Variants in COL26A1 observed in about 807,000 individuals in gnomAD.
COL26A1 encodes collagen alpha-1(XXVI) chain.
In COL26A1, 41 loss-of-function variants were observed where a neutral mutation model predicts 59.3. The ratio of observed to expected loss-of-function variants is 0.69; its 90% CI spans 0.54 to 0.90. The LOEUF is 0.90. Ranked by LOEUF, COL26A1 falls within the 40% of genes least tolerant of loss-of-function variation. The probability of loss-of-function intolerance (pLI) is 0.00; values close to 1 mark genes in which losing one functional copy is unlikely to be tolerated. For synonymous variants in COL26A1, 266 were observed against 256.0 expected (o/e 1.04, Z -0.37); for missense variants, 612 against 602.3 (o/e 1.02, Z -0.17).
At chr7:101,475,916 CTCTTTCTT>C (rs752531682) in intron 3 of COL26A1, among the ~76,000 whole-genome samples, 7 of 144,728 alleles carry the variant, frequency 4.8e-5, no homozygotes, top group African/African-American at 1.6e-4. Context: ...CTCTCTCTCT[CTCTTTCTT>C]TCTCTCTCTC....
chr7:101,556,041 A>G (rs1297064938), intron 12 of COL26A1, among the ~76,000 whole-genome samples, 170 bp downstream of exon 12: 1 of 151,782 alleles, frequency 6.6e-6, no homozygotes, highest in Non-Finnish European at 1.5e-5. Flanking sequence ...TGCCCTTGAC[A>G]GACTTCCAAG....
intron 6 of COL26A1, among the ~76,000 whole-genome samples, chr7:101,544,754 A>T (rs1795694898): frequency 6.6e-6 from 1 of 151,832 alleles, no homozygotes; most frequent in Non-Finnish European, 1.5e-5. Flanking sequence ...GCTGGTCTTG[A>T]ACTCCTGACC....
intron 3 of COL26A1, among the ~76,000 whole-genome samples, chr7:101,532,261 C>G (rs1410241536): frequency 6.6e-6 from 1 of 152,134 alleles, no homozygotes; most frequent in Non-Finnish European, 1.5e-5. Context: ...CTTCCATCCA[C>G]TGCACACTCT....
rs1193738026 is a variant in COL26A1, at chr7:101,461,731, A to G, written c.385+13944A>G. Among the ~76,000 whole-genome samples the G allele has an allele frequency of 3.3e-5, 5 of 152,184 alleles. No homozygotes were observed. In the East Asian group the frequency reaches 9.6e-4, roughly 29 times the overall value. On this transcript the variant is annotated intron_variant, in intron 3 of 12. Transcript: ENST00000313669. Reference sequence around the variant, plus strand: ...TCCTGGTTGGGGCTGGGGTCCCATCACATCCACACTGTGGCTGGGAGAAGG... The same window carrying G: ...TCCTGGTTGGGGCTGGGGTCCCATCGCATCCACACTGTGGCTGGGAGAAGG...
At chr7:101,367,130 G>C (rs577196900) in intron 1 of COL26A1, among the ~76,000 whole-genome samples, 45 of 152,296 alleles carry the variant, frequency 3.0e-4, no homozygotes, top group African/African-American at 1.1e-3. Flanking sequence ...TGGAAGGTTT[G>C]ATTAGATTTA....
At chr7:101,553,228 C>A in intron 10 of COL26A1, 98 bp from the exon 11 acceptor site, 2 of 1,108,754 alleles carry the variant, frequency 1.8e-6, no homozygotes, top group South Asian at 1.4e-5. Flanking sequence ...GCCTGCCCAG[C>A]CTGCCCCTGA....
chr7:101,390,251 G>T (rs1219276095), intron 1 of COL26A1, among the ~76,000 whole-genome samples: 1 of 144,416 alleles, frequency 6.9e-6, no homozygotes, highest in Admixed American at 7.4e-5. Flanking sequence ...TGCCTTCTGG[G>T]TTCAAGCGAT....
At chr7:101,522,571 T>C (rs950994415) in intron 3 of COL26A1, among the ~76,000 whole-genome samples, 1 of 152,158 alleles carries the variant, frequency 6.6e-6, no homozygotes, top group South Asian at 2.1e-4. Context: ...GGGCTTCCAC[T>C]GGAGTAACAG....
At chr7:101,531,250 C>T (rs1446168080) in intron 3 of COL26A1, among the ~76,000 whole-genome samples, 3 of 152,182 alleles carry the variant, frequency 2.0e-5, no homozygotes, top group African/African-American at 4.8e-5. Flanking sequence ...GGATTATAGG[C>T]GTGAGCCACC....
chr7:101,521,011 A>G (rs980774903), intron 3 of COL26A1, among the ~76,000 whole-genome samples: 2 of 152,220 alleles, frequency 1.3e-5, no homozygotes, highest in Non-Finnish European at 2.9e-5. Context: ...TAATTGACGA[A>G]GAAAAGAGGC....
chr7:101,392,397 CTTTT>C (rs34053990), intron 1 of COL26A1, among the ~76,000 whole-genome samples: 1 of 86,622 alleles, frequency 1.2e-5, no homozygotes. Context: ...AACAACCAGG[CTTTT>C]TTTTTTTTTT....
chr7:101,497,161 C>G (rs1209928362), intron 3 of COL26A1, among the ~76,000 whole-genome samples: 4 of 151,610 alleles, frequency 2.6e-5, no homozygotes, highest in Admixed American at 2.6e-4. Flanking sequence ...TCACCTGAAC[C>G]CGGGAGGCAG....
chr7:101,492,765 G>T (rs1261339496), intron 3 of COL26A1, among the ~76,000 whole-genome samples: 1 of 151,218 alleles, frequency 6.6e-6, no homozygotes, highest in Non-Finnish European at 1.5e-5. Flanking sequence ...ATAGAGATGG[G>T]GTCTTGTTCT....
chr7:101,484,148 C>T (rs1289302015), intron 3 of COL26A1, among the ~76,000 whole-genome samples: 1 of 151,914 alleles, frequency 6.6e-6, no homozygotes, highest in Non-Finnish European at 1.5e-5. Context: ...CTGCACCTGG[C>T]ACTAGAAATT....
At chr7:101,477,748 C>A (rs61499663) in intron 3 of COL26A1, among the ~76,000 whole-genome samples, 1 of 152,254 alleles carries the variant, frequency 6.6e-6, no homozygotes, top group East Asian at 1.9e-4. Context: ...GACTTTGAAC[C>A]TATCTTGTTT....
intron 3 of COL26A1, among the ~76,000 whole-genome samples, chr7:101,469,469 A>G (rs1406108273): frequency 6.6e-6 from 1 of 151,484 alleles, no homozygotes; most frequent in South Asian, 2.1e-4. Context: ...CACTTATGCA[A>G]ATTCAAGGGT....
chr7:101,420,834 T>A (rs1159281872), intron 2 of COL26A1, among the ~76,000 whole-genome samples: 1 of 151,444 alleles, frequency 6.6e-6, no homozygotes, highest in Non-Finnish European at 1.5e-5. Flanking sequence ...CTCTTCAGCA[T>A]CCGCAGAGAG....
intron 3 of COL26A1, among the ~76,000 whole-genome samples, chr7:101,474,423 C>T (rs1408313230): frequency 1.8e-5 from 2 of 112,746 alleles, no homozygotes; most frequent in African/African-American, 9.9e-5. Context: ...ATAGCAAGAC[C>T]CCATCTCTAA....
At position 101,512,729 on chromosome 7, in the gene COL26A1, A is replaced by G. The variant is rs550226319; in HGVS notation, c.386-20353A>G. The stretch of plus-strand genomic sequence containing the variant: ...ATAAATGATTTAGGCACAAACCCCC[A>G]AATAAGATAGCTATTCAAATCCAGC... On this transcript the variant is annotated intron_variant, in intron 3 of 12. Transcript: ENST00000313669. Among the ~76,000 whole-genome samples, 242 of 152,326 alleles carry G rather than the reference A, an allele frequency of 1.6e-3. 4 individuals are homozygous for G. Among genetic ancestry groups the G allele is most frequent in the Non-Finnish European group, 2.5e-4 (17 of 68,034 alleles).
Sources: gnomAD v4.1 joint callset for allele counts (sites outside exome capture counted in the v4.1 genomes callset) on GRCh38, gnomAD v4.1.1 for gene constraint, MANE v1.5 for transcripts, NCBI Gene and HGNC (gene_info 2026-07-23, HGNC 2026-07-21) for gene names.